The following MYH15 variants were observed in gnomAD, a reference collection of about 807,000 sequenced individuals.
The protein encoded by MYH15 is myosin heavy chain 15.
A neutral mutation model predicts 240.5 loss-of-function variants in MYH15; 227 were observed. That is an observed-to-expected ratio of 0.94 (90% CI 0.85 to 1.05). The LOEUF (loss-of-function observed/expected upper bound fraction) is 1.05, where lower values mean the gene tolerates loss of function less well. Among genes scored for constraint, MYH15 ranks in the 50% least tolerant of loss-of-function variants. The pLI is 0.00. For synonymous variants in MYH15, 785 were observed against 796.7 expected (o/e 0.99, Z 0.25); for missense variants, 2,217 against 2,247.5 (o/e 0.99, Z 0.27).
At chr3:108,444,949 A>C (rs993770377) in intron 21 of MYH15, 54 bp from the exon 22 acceptor site, 1 of 1,523,708 alleles carries the variant, frequency 6.6e-7, no homozygotes, top group Non-Finnish European at 8.8e-7. Flanking sequence ...TAGGAGAATT[A>C]GTTCCCAAAT....
At position 108,454,037 on chromosome 3, in the gene MYH15, G is replaced by A. The variant is rs201762535; in HGVS notation, c.2368C>T (p.Arg790Ter). The change falls in exon 21 of 41, where the codon CGA (arginine) becomes TGA (stop). Residue 790 changes from arginine (R) to a stop codon, truncating the protein, a stop_gained. Coordinates refer to ENST00000693548, the MANE Select transcript of MYH15 (RefSeq NM_014981.3). LOFTEE classifies it high-confidence loss of function. ...FQARAQGKLMRIKFQKILEER... is the reference protein window; with the variant it reads ...FQARAQGKLM ...TCCAGAATCTTCTGGAATTTGATTCGCATCAGTTTGCCCTGTGCTCTGGCT... is the reference window on the plus strand; with the variant it reads ...TCCAGAATCTTCTGGAATTTGATTCACATCAGTTTGCCCTGTGCTCTGGCT... The A allele has an allele frequency of 2.7e-5, 43 of 1,611,012 alleles. No homozygotes were observed. The highest frequency in any genetic ancestry group is 4.5e-5 in the East Asian group (2 of 44,854).
chr3:108,393,523 C>T (rs2082436767), intron 36 of MYH15, among the ~76,000 whole-genome samples: 1 of 152,140 alleles, frequency 6.6e-6, no homozygotes. Flanking sequence ...AAATCACTGC[C>T]ATCATCAACT....
intron 1 of MYH15, among the ~76,000 whole-genome samples, chr3:108,517,523 G>T (rs1295437913): frequency 6.6e-5 from 10 of 151,976 alleles, no homozygotes; most frequent in African/African-American, 2.4e-4. Flanking sequence ...AGTAGGAATG[G>T]GGTTTCACCA....
intron 33 of MYH15, among the ~76,000 whole-genome samples, chr3:108,400,792 A>G (rs1326656935): frequency 6.6e-6 from 1 of 152,098 alleles, no homozygotes; most frequent in African/African-American, 2.4e-5. Context: ...CTGGGCAACA[A>G]AGCGAGACTC....
chr3:108,521,185 T>C (rs1005070400), intron 1 of MYH15, among the ~76,000 whole-genome samples: 2 of 152,156 alleles, frequency 1.3e-5, no homozygotes, highest in African/African-American at 4.8e-5. Context: ...TATTTCTATT[T>C]GCCTCTTTCA....
chr3:108,464,934 C>T (rs2107583611), intron 14 of MYH15, 120 bp from the exon 15 acceptor site: 1 of 816,828 alleles, frequency 1.2e-6, no homozygotes. Context: ...ATATTCACTG[C>T]ATAAAACTAG....
intron 16 of MYH15, 27 bp from the exon 17 acceptor site, chr3:108,460,394 T>C: frequency 1.3e-6 from 2 of 1,531,010 alleles, no homozygotes; most frequent in Non-Finnish European, 8.8e-7. Context: ...AAGAAAAAGA[T>C]GAAAACATGT....
At chr3:108,391,679 G>A (rs2082423429) in intron 37 of MYH15, 81 bp downstream of exon 37, 3 of 1,405,814 alleles carry the variant, frequency 2.1e-6, no homozygotes, top group South Asian at 1.4e-5. Context: ...TGTGTTGGGG[G>A]GCAGATCTAG....
At position 108,439,731 on chromosome 3, in the gene MYH15, A is replaced by T; in HGVS notation, c.3075+6T>A. On this transcript the variant is annotated splice_donor_region_variant and intron_variant, in intron 24 of 40. Transcript: ENST00000693548. ...TAGATAACTAACCAGATACACCGTT[A>T]CTGACCTCATCAACTTGCTGTTCCA... The T allele has an allele frequency of 6.3e-7, 1 of 1,593,432 alleles. No homozygotes were observed.
intron 3 of MYH15, among the ~76,000 whole-genome samples, chr3:108,501,455 G>C (rs572264302): frequency 7.2e-5 from 11 of 152,318 alleles, no homozygotes; most frequent in African/African-American, 2.6e-4. Flanking sequence ...CAACTAGTAA[G>C]TGACAGGGCT....
intron 21 of MYH15, among the ~76,000 whole-genome samples, chr3:108,451,239 G>A (rs1560379427): frequency 2.0e-5 from 3 of 152,072 alleles, no homozygotes; most frequent in Admixed American, 6.6e-5. Flanking sequence ...ATTTAGCCAG[G>A]TGTGGAGGCA....
At chr3:108,510,322 C>A in intron 1 of MYH15, 121 bp downstream of exon 1, 1 of 1,317,662 alleles carries the variant, frequency 7.6e-7, no homozygotes, top group Non-Finnish European at 1.0e-6. Context: ...AGAGGCTGAT[C>A]ATACCCTAAG....
At chr3:108,496,393 C>T (rs1339323736) in intron 6 of MYH15, among the ~76,000 whole-genome samples, 6 of 152,156 alleles carry the variant, frequency 3.9e-5, no homozygotes, top group Non-Finnish European at 8.8e-5. Flanking sequence ...ATTTGAATCA[C>T]GTGTGCTCAG....
intron 1 of MYH15, among the ~76,000 whole-genome samples, chr3:108,525,687 A>G (rs1362791262): frequency 6.6e-6 from 1 of 152,094 alleles, no homozygotes; most frequent in African/African-American, 2.4e-5. Flanking sequence ...CCTATTTTTA[A>G]TAAGATTACA....
intron 33 of MYH15, 79 bp downstream of exon 33, chr3:108,405,259 G>A: frequency 1.4e-6 from 1 of 732,810 alleles, no homozygotes; most frequent in East Asian, 3.0e-5. Flanking sequence ...GGCCATAAAA[G>A]CAGCCAGACA....
At chr3:108,384,501 G>A (rs926676638) in intron 39 of MYH15, among the ~76,000 whole-genome samples, 186 bp downstream of exon 39, 26 of 152,120 alleles carry the variant, frequency 1.7e-4, no homozygotes, top group Admixed American at 2.6e-4. Flanking sequence ...TTCCTGGAGG[G>A]AAAAGCCACG....
At chr3:108,438,152 G>T (rs1405336450) in intron 24 of MYH15, among the ~76,000 whole-genome samples, 3 of 152,094 alleles carry the variant, frequency 2.0e-5, no homozygotes, top group African/African-American at 7.2e-5. Flanking sequence ...ATCAGTTTCC[G>T]CATGATCATC....
At chr3:108,384,573 TA>T in intron 39 of MYH15, 113 bp downstream of exon 39, 1 of 913,160 alleles carries the variant, frequency 1.1e-6, no homozygotes, top group Non-Finnish European at 1.7e-6. Flanking sequence ...GAGCAGACTC[TA>T]AGCTGAGCAG....
intron 21 of MYH15, among the ~76,000 whole-genome samples, chr3:108,445,139 TGA>T (rs2082916782): frequency 6.6e-6 from 1 of 152,198 alleles, no homozygotes; most frequent in South Asian, 2.1e-4. Context: ...ATTCTTTGAA[TGA>T]GAGCTGAACC....
Sources: gnomAD v4.1 joint callset for allele counts (sites outside exome capture counted in the v4.1 genomes callset) on GRCh38, gnomAD v4.1.1 for gene constraint, MANE v1.5 for transcripts, NCBI Gene and HGNC (gene_info 2026-07-23, HGNC 2026-07-21) for gene names.